The following CFTR variants were observed in gnomAD, a reference collection of about 807,000 sequenced individuals.
CFTR encodes CF transmembrane conductance regulator.
Under a neutral mutation model 171.6 loss-of-function variants are expected in CFTR, and 181 were observed. The observed-to-expected ratio is 1.05, with a 90% CI of 0.93 to 1.19. CFTR has a LOEUF of 1.19. CFTR is among the 50% of genes most tolerant of loss of function. The pLI, the probability that CFTR is intolerant of heterozygous loss-of-function variation, is 0.00. For missense variants in CFTR, 1,968 were observed against 1,734.7 expected (o/e 1.13, Z -2.39); for synonymous variants, 583 against 608.0 (o/e 0.96, Z 0.60).
intron 22 of CFTR, among the ~76,000 whole-genome samples, chr7:117,630,507 G>A (rs1272976026): frequency 6.6e-6 from 1 of 152,118 alleles, no homozygotes. Flanking sequence ...CAGATACATT[G>A]AAGCATGAGT....
rs150568766 is a variant in CFTR, at chr7:117,625,020, G to A, written c.3469-2502G>A. On this transcript the variant is annotated intron_variant, in intron 21 of 26. Transcript: ENST00000003084. ...TGGTTAGTAATTCATAATGTTAGCT[G>A]TCCACATCTATTCAGTAATGGCATT... 1.9e-3 allele frequency among the ~76,000 whole-genome samples: 285 copies of A among 152,242 alleles called. 1 individual carries two copies. The highest frequency in any genetic ancestry group is 6.8e-3 in the African/African-American group (281 of 41,526).
intron 24 of CFTR, among the ~76,000 whole-genome samples, chr7:117,654,669 T>C (rs1793142018): frequency 1.3e-5 from 2 of 152,150 alleles, no homozygotes; most frequent in African/African-American, 4.8e-5. Flanking sequence ...CATAACTCTT[T>C]CCCTTCCGCC....
chr7:117,509,061 G>GA lies in CFTR; in HGVS notation c.197dup (p.Asn66LysfsTer3). The GA allele has an allele frequency of 6.2e-7, 1 of 1,612,628 alleles. No homozygotes were observed. The highest frequency in any genetic ancestry group is 8.5e-7 in the Non-Finnish European group (1 of 1,178,922). On this transcript the variant is annotated frameshift_variant, in exon 3 of 27. Coordinates refer to ENST00000003084, the MANE Select transcript of CFTR (RefSeq NM_000492.4). LOFTEE classifies it high-confidence loss of function. ...AATGGGATAGAGAGCTGGCTTCAAA[G>GA]AAAAATCCTAAACTCATTAATGCCC...
chr7:117,578,010 A>G (rs1584806265), intron 11 of CFTR, among the ~76,000 whole-genome samples: 1 of 152,108 alleles, frequency 6.6e-6, no homozygotes, highest in Non-Finnish European at 1.5e-5. Context: ...TCACATGTAC[A>G]TATATATGGC....
At chr7:117,518,588 A>ATATATATATG (rs1485856686) in intron 3 of CFTR, among the ~76,000 whole-genome samples, 3 of 147,324 alleles carry the variant, frequency 2.0e-5, no homozygotes, top group African/African-American at 7.5e-5. Flanking sequence ...ATATATATAT[A>ATATATATATG]TGTGTGTTTT....
intron 11 of CFTR, among the ~76,000 whole-genome samples, chr7:117,579,114 A>G (rs1791814802): frequency 1.3e-5 from 2 of 152,072 alleles, no homozygotes; most frequent in African/African-American, 4.8e-5. Context: ...TTGATTCATA[A>G]TAGTAGCAAA....
At chr7:117,532,280 T>C (rs1798877516) in intron 4 of CFTR, among the ~76,000 whole-genome samples, 1 of 152,292 alleles carries the variant, frequency 6.6e-6, no homozygotes, top group Non-Finnish European at 1.5e-5. Flanking sequence ...TTGAATTCAG[T>C]TTAATAAATG....
chr7:117,522,216 G>C (rs1348682997), intron 3 of CFTR, among the ~76,000 whole-genome samples: 1 of 152,170 alleles, frequency 6.6e-6, no homozygotes, highest in Non-Finnish European at 1.5e-5. Context: ...GTAGAAAACA[G>C]CCATAGTCAT....
At chr7:117,496,251 T>A (rs1275227043) in intron 1 of CFTR, among the ~76,000 whole-genome samples, 1 of 152,148 alleles carries the variant, frequency 6.6e-6, no homozygotes, top group Non-Finnish European at 1.5e-5. Flanking sequence ...TTGCCCAGGT[T>A]GGAATGTGCA....
intron 11 of CFTR, among the ~76,000 whole-genome samples, chr7:117,580,048 A>G (rs957399487): frequency 6.6e-6 from 1 of 152,052 alleles, no homozygotes; most frequent in African/African-American, 2.4e-5. Flanking sequence ...ACTAGAAGAA[A>G]AAAAGATAGC....
chr7:117,635,989 T>G (rs1167476872), intron 22 of CFTR, among the ~76,000 whole-genome samples: 16 of 152,294 alleles, frequency 1.1e-4, no homozygotes, highest in Non-Finnish European at 1.9e-4. Context: ...TCCAAGTTTC[T>G]GACCTGTATA....
intron 3 of CFTR, among the ~76,000 whole-genome samples, chr7:117,520,830 T>G (rs1031718709): frequency 2.0e-5 from 3 of 151,942 alleles, no homozygotes; most frequent in Non-Finnish European, 4.4e-5. Flanking sequence ...GTGCATGGTA[T>G]TAGGATTGTT....
At chr7:117,484,154 A>G (rs1280871037) in intron 1 of CFTR, among the ~76,000 whole-genome samples, 1 of 152,226 alleles carries the variant, frequency 6.6e-6, no homozygotes, top group Non-Finnish European at 1.5e-5. Context: ...TTGCCAAGGA[A>G]GACCAGTTGG....
At chr7:117,632,221 G>A (rs908212225) in intron 22 of CFTR, among the ~76,000 whole-genome samples, 6 of 152,154 alleles carry the variant, frequency 3.9e-5, no homozygotes, top group South Asian at 2.1e-4. Context: ...ACAACTTCCC[G>A]ACCATGCTGA....
intron 13 of CFTR, among the ~76,000 whole-genome samples, chr7:117,591,651 A>T (rs1792025326): frequency 6.6e-6 from 1 of 152,152 alleles, no homozygotes; most frequent in Non-Finnish European, 1.5e-5. Flanking sequence ...CCCCGAGGAT[A>T]AATGATTTGC....
At chr7:117,656,576 G>T (rs11974545) in intron 24 of CFTR, among the ~76,000 whole-genome samples, 24,362 of 152,092 alleles carry the variant, frequency 0.16, 2,265 homozygotes, top group Non-Finnish European at 0.2. Context: ...ATGGGGAGGA[G>T]AGCTGGAGAA....
intron 10 of CFTR, among the ~76,000 whole-genome samples, chr7:117,558,405 T>G (rs1205753977): frequency 6.6e-6 from 1 of 151,920 alleles, no homozygotes; most frequent in Non-Finnish European, 1.5e-5. Flanking sequence ...ATACAAAAAA[T>G]TAGCCAGACG....
intron 3 of CFTR, among the ~76,000 whole-genome samples, chr7:117,529,985 T>C (rs1312182211): frequency 6.6e-6 from 1 of 152,136 alleles, no homozygotes; most frequent in Non-Finnish European, 1.5e-5. Context: ...TGTAACAAGA[T>C]GGGTAAGAAT....
At chr7:117,487,315 G>A (rs1443727545) in intron 1 of CFTR, among the ~76,000 whole-genome samples, 1 of 152,084 alleles carries the variant, frequency 6.6e-6, no homozygotes, top group Non-Finnish European at 1.5e-5. Context: ...AGAGTGTTAG[G>A]AAGAAGCAGC....
Sources: allele counts gnomAD v4.1 joint callset (sites outside exome capture counted in the v4.1 genomes callset), GRCh38; gene constraint gnomAD v4.1.1; transcripts MANE v1.5; gene names NCBI Gene and HGNC (gene_info 2026-07-23, HGNC 2026-07-21).